The following NEB variants were observed in gnomAD, a reference collection of about 807,000 sequenced individuals.
NEB encodes the protein nemaline myopathy type 2.
A neutral mutation model predicts 952.2 loss-of-function variants in NEB; 512 were observed. The observed-to-expected ratio is 0.54, with a 90% confidence interval of 0.50 to 0.58. The LOEUF (loss-of-function observed/expected upper bound fraction) is 0.58. Ranked by LOEUF, NEB falls within the 20% of genes least tolerant of loss-of-function variation. The probability of loss-of-function intolerance (pLI) is 0.00; values close to 1 mark genes in which losing one functional copy is unlikely to be tolerated. For missense variants in NEB, 8,428 were observed against 9,231.1 expected, an observed-to-expected ratio of 0.91 and a Z score of 3.56; for synonymous variants, 2,900 against 3,149.8, an observed-to-expected ratio of 0.92 and a Z score of 2.66.
chr2:151,671,476 G>T, intron 37 of NEB: 1 of 416,322 alleles, frequency 2.4e-6, no homozygotes, highest in Non-Finnish European at 4.3e-6. Flanking sequence ...AAAAAATTTT[G>T]TCACTTTTGA....
At chr2:151,694,761 T>G in intron 18 of NEB, 132 bp from the exon 19 acceptor site, 1 of 712,038 alleles carries the variant, frequency 1.4e-6, no homozygotes, top group Non-Finnish European at 2.3e-6. Flanking sequence ...TAGGAAATCA[T>G]GCATATTTTA....
In NEB at chr2:151,499,430, G is replaced by A. The variant is rs764635163; in HGVS notation, c.24022-40C>T. 8 of 1,128,428 alleles carry A rather than the reference G, an allele frequency of 7.1e-6. No individual in the cohort carries two copies. The Admixed American group carries it at 8.0e-5, about 11-fold the overall frequency. The allele number at this position is 1,128,428 out of a possible 1,614,324, so 69.9% of individuals were successfully genotyped here. ...AAAGCATCCAGAAAAAACAAGAGCA[G>A]TCAAAACAGCCCTTTCATCTACCTT... On this transcript the variant is annotated intron_variant, in intron 168 of 181. Transcript: ENST00000397345.
rs774874060 is a variant in NEB, at chr2:151,642,824, T to C, written c.8206A>G (p.Ile2736Val). The C allele has an allele frequency of 2.5e-6, 4 of 1,613,110 alleles. No individual in the cohort carries two copies. Among genetic ancestry groups the C allele is most frequent in the Admixed American group, 1.7e-5 (1 of 59,944 alleles). The change falls in exon 59 of 182, where the codon ATT (isoleucine) becomes GTT (valine). Residue 2736 changes from isoleucine (I) to valine (V), a missense_variant. Coordinates refer to ENST00000397345, the MANE Select transcript of NEB (RefSeq NM_001164508.2). ...AWDKDKTTVH[I>V]MPDTPEVLLA... ...AAAACTTCAGGGGTATCTGGCATAA[T>C]GTGGACAGTGGTTTTATCTTTATCC...
At chr2:151,621,868 GATA>G (rs1432869255) in intron 71 of NEB, among the ~76,000 whole-genome samples, 3 of 152,126 alleles carry the variant, frequency 2.0e-5, no homozygotes, top group African/African-American at 2.4e-5. Context: ...TATACAGTTT[GATA>G]ATAATTTTTA....
rs1205013766 is a variant in NEB at position 151,570,044 on chromosome 2, T to C, written c.17430+37A>G. On this transcript the variant is annotated intron_variant, in intron 109 of 181. Coordinates refer to ENST00000397345, the MANE Select transcript of NEB (RefSeq NM_001164508.2). ...AAACTCTCTGGAAGTCATGGCAAAC[T>C]GAGAAAAGAGTTCAACCCCAAATGC... 4 of 1,563,558 alleles carry C rather than the reference T, an allele frequency of 2.6e-6. No homozygotes were observed. The African/African-American group carries it at 4.1e-5, about 16-fold the overall frequency.
chr2:151,513,555 A>G (rs747809567), intron 160 of NEB, 25 bp downstream of exon 160: 5 of 1,519,560 alleles, frequency 3.3e-6, no homozygotes, highest in Non-Finnish European at 4.5e-6. Context: ...TTCCTGAAAG[A>G]TTGACATCGA....
intron 161 of NEB, among the ~76,000 whole-genome samples, chr2:151,510,680 T>TA (rs377412501): frequency 2.1e-3 from 325 of 152,360 alleles, no homozygotes; most frequent in Middle Eastern, 3.4e-3. Flanking sequence ...GTTAATCTCT[T>TA]ACTGTGCTAA....
rs762249878 is a variant in NEB, at chr2:151,677,656, T to C, written c.3683A>G (p.Tyr1228Cys). The C allele has an allele frequency of 6.2e-7, 1 of 1,613,998 alleles. No individual in the cohort carries two copies. Among genetic ancestry groups the C allele is most frequent in the Non-Finnish European group, 8.5e-7 (1 of 1,179,890 alleles). Residue 1228 changes from tyrosine to cysteine, a missense_variant, in exon 34 of 182, where the codon TAC becomes TGC. Tyr to Cys is a radical substitution (Grantham distance 194, BLOSUM62 -2). This residue lies in a region of NEB where 2,851 missense variants were observed against 2,791.5 expected (regional missense o/e 1.02). Transcript: ENST00000397345. The stretch of plus-strand genomic sequence containing the variant: ...TTTGAGGGTGTCTGGATGTTGCCTG[T>C]ACTTCTTTTCATTCAGAGCATCACC... ...KAGDALNEKK[Y>C]RQHPDTLKFT... is the part of the protein sequence containing the mutation.
rs772168965 is a variant in NEB at position 151,569,312 on chromosome 2, C to T, written c.17491G>A (p.Val5831Met). ...RGIGWMPNDS[V>M]SVNHAKHAAD... Reference sequence around the variant, plus strand: ...GCATGTTTGGCATGATTGACGGACACGGAGTCATTTGGCATCCACCCAATT... The same window carrying T: ...GCATGTTTGGCATGATTGACGGACATGGAGTCATTTGGCATCCACCCAATT... The change falls in exon 110 of 182, where the codon GTG (valine) becomes ATG (methionine). Residue 5831 changes from valine to methionine, a missense_variant. This residue lies in a region of NEB where 3,374 missense variants were observed against 3,651.5 expected (regional missense o/e 0.92). Coordinates refer to ENST00000397345, the MANE Select transcript of NEB (RefSeq NM_001164508.2). The T allele has an allele frequency of 8.1e-6, 13 of 1,613,788 alleles. No homozygotes were observed. In the East Asian group the frequency reaches 8.9e-5, roughly 11 times the overall value.
At chr2:151,521,359 C>T (rs906527734) in intron 153 of NEB, among the ~76,000 whole-genome samples, 7 of 152,178 alleles carry the variant, frequency 4.6e-5, no homozygotes, top group South Asian at 2.1e-4. Flanking sequence ...GAAAAAGAAA[C>T]GTAAACAAAT....
Position 151,501,502 on chromosome 2 carries a change from C to A in NEB, c.23929-19G>T. ...ACAATATCTGTGTGCACAAAACCAA[C>A]AAACAAATCAACCTGGACCCATCAT... On this transcript the variant is annotated intron_variant, in intron 167 of 181. Coordinates refer to ENST00000397345, the MANE Select transcript of NEB (RefSeq NM_001164508.2). The A allele has an allele frequency of 7.1e-7, 1 of 1,406,962 alleles. No individual in the cohort carries two copies. The highest frequency in any genetic ancestry group is 9.5e-7 in the Non-Finnish European group (1 of 1,051,670). The allele number at this position is 1,406,962 out of a possible 1,614,324, so 87.2% of individuals were successfully genotyped here.
At chr2:151,610,704 G>A (rs139957760) in intron 79 of NEB, 58 bp downstream of exon 79, 41 of 1,576,188 alleles carry the variant, frequency 2.6e-5, no homozygotes, top group Middle Eastern at 1.7e-4. Flanking sequence ...AAATTGTTAC[G>A]GTGGAAAAAG....
At position 151,570,514 on chromosome 2, in the gene NEB, TGGA is replaced by T. The variant is rs1178435781; in HGVS notation, c.17098_17100del (p.Ser5700del). ...CCACTCACGTCACTGGCAATCTCCC[TGGA>T]GGCCTTGGCAGCCTGGATGGGGATG... On this transcript the variant is annotated inframe_deletion, in exon 108 of 182. Transcript: ENST00000397345. 1.2e-6 allele frequency: 2 copies of T among 1,610,618 alleles called. No individual in the cohort carries two copies. The highest frequency in any genetic ancestry group is 2.7e-5 in the African/African-American group (2 of 74,654).
At chr2:151,628,173 G>C (rs1049622113) in intron 68 of NEB, among the ~76,000 whole-genome samples, 1 of 152,304 alleles carries the variant, frequency 6.6e-6, no homozygotes, top group South Asian at 2.1e-4. Flanking sequence ...TTTCGGTACT[G>C]TGTACTGCCA....
intron 165 of NEB, among the ~76,000 whole-genome samples, chr2:151,504,117 C>G (rs1272155127): frequency 6.6e-6 from 1 of 152,164 alleles, no homozygotes; most frequent in Non-Finnish European, 1.5e-5. Context: ...CTCTGAGCCT[C>G]CTTAACTCTT....
chr2:151,545,750 CCA>C (rs989955385), intron 135 of NEB, 136 bp downstream of exon 135: 1 of 591,078 alleles, frequency 1.7e-6, no homozygotes, highest in African/African-American at 1.9e-5. Context: ...AGTAGCCATT[CCA>C]CAGTTAAGAG....
rs182699929 is a variant in NEB, at chr2:151,490,023, G to A, written c.25352C>T (p.Ala8451Val). ...GGAAGATACCGTTGTCTGTTGGGTA[G>A]CAACTGAAGATGATCGTTGTTGTGG... The part of the protein sequence containing the change: ...ELPQQRSSSV[A>V]TQQTTVSSIP... Residue 8451 changes from alanine to valine, a missense_variant, in exon 181 of 182, where the codon GCT becomes GTT. Around this residue, in one of 11 missense-constraint regions of NEB, gnomAD observed 3,374 missense variants for 3,651.5 expected, o/e 0.92. Transcript: ENST00000397345. The A allele has an allele frequency of 4.3e-6, 7 of 1,613,624 alleles. No homozygotes were observed. In the East Asian group the frequency reaches 1.6e-4, roughly 36 times the overall value.
chr2:151,497,527 A>G lies in NEB; in HGVS notation c.24300+99T>C, dbSNP rs923392099. ...TTGCTAAAGAAATTCACAAAATTTAAGTTGTCTTTAAAAAGTAGGATTAAT... is the reference window on the plus strand; with the variant it reads ...TTGCTAAAGAAATTCACAAAATTTAGGTTGTCTTTAAAAAGTAGGATTAAT... On this transcript the variant is annotated intron_variant, in intron 171 of 181. Coordinates refer to ENST00000397345, the MANE Select transcript of NEB (RefSeq NM_001164508.2). The G allele has an allele frequency of 1.2e-5, 18 of 1,502,568 alleles. No homozygotes were observed. The African/African-American group carries it at 2.1e-4, about 18-fold the overall frequency. 93.1% of individuals were successfully genotyped at this position (1,502,568 alleles called of 1,614,324 possible).
rs1336734604 is a variant in NEB, at chr2:151,519,042, G to C, written c.22618C>G (p.Leu7540Val). ...TTCATGTCAGTCACGGGTTTGTGAA[G>C]TTTCTTCAGGTCAGCCTTGTATTTA... ...EVKYKADLKK[L>V]HKPVTDMKES... The change falls in exon 155 of 182, where the codon CTT becomes GTT. Residue 7540 changes from leucine to valine, a missense_variant. This residue lies in a region of NEB where 3,374 missense variants were observed against 3,651.5 expected (regional missense o/e 0.92). Coordinates refer to ENST00000397345, the MANE Select transcript of NEB (RefSeq NM_001164508.2). 6.2e-7 allele frequency: 1 copy of C among 1,613,258 alleles called. No homozygotes were observed. Among genetic ancestry groups the C allele is most frequent in the South Asian group, 1.1e-5 (1 of 91,048 alleles).
Sources: gnomAD v4.1 joint callset for allele counts (sites outside exome capture counted in the v4.1 genomes callset) on GRCh38, gnomAD v4.1.1 for gene constraint, gnomAD v4.1.1 regional missense constraint, MANE v1.5 for transcripts, NCBI Gene and HGNC (gene_info 2026-07-23, HGNC 2026-07-21) for gene names.